Variants in LIPC observed in about 807,000 individuals in gnomAD.
LIPC encodes the protein hepatic triacylglycerol lipase.
In LIPC, 44 loss-of-function variants were observed where a neutral mutation model predicts 50.7. The observed-to-expected ratio is 0.87, with a 90% CI of 0.68 to 1.11. LIPC has a LOEUF of 1.11. LIPC is among the 50% of genes most tolerant of loss of function. The probability of loss-of-function intolerance (pLI) is 0.00; values close to 1 mark genes in which losing one functional copy is unlikely to be tolerated. For synonymous variants in LIPC, 271 were observed against 256.4 expected, an observed-to-expected ratio of 1.06 and a Z score of -0.54; for missense variants, 697 against 648.2, an observed-to-expected ratio of 1.08 and a Z score of -0.82.
chr15:58,470,407 G>T (rs1894751075), intron 1 of LIPC, among the ~76,000 whole-genome samples: 1 of 151,754 alleles, frequency 6.6e-6, no homozygotes, highest in African/African-American at 2.4e-5. Flanking sequence ...AGTTTTTGAA[G>T]TAAAAAGCAT....
rs1031968413 is a variant in LIPC at position 58,538,500 on chromosome 15, A to T, written c.256A>T (p.Ile86Leu). Residue 86 changes from isoleucine to leucine, a missense_variant, in exon 2 of 9, where the codon ATA (isoleucine) becomes TTA (leucine). Coordinates refer to ENST00000299022, the MANE Select transcript of LIPC (RefSeq NM_000236.3). Reference protein sequence around the residue: ...GFNSSLPLVMIIHGWSVDGVL... With the variant: ...GFNSSLPLVMLIHGWSVDGVL... ...CAACTCCTCCCTGCCTCTGGTGATGATAATCCACGGGTGGTCGGTAGGAAA... is the reference window on the plus strand; with the variant it reads ...CAACTCCTCCCTGCCTCTGGTGATGTTAATCCACGGGTGGTCGGTAGGAAA... The T allele has an allele frequency of 6.2e-7, 1 of 1,614,172 alleles. No individual in the cohort carries two copies. Among genetic ancestry groups the T allele is most frequent in the Admixed American group, 1.7e-5 (1 of 60,020 alleles).
intron 8 of LIPC, chr15:58,565,877 CTG>C (rs1343686996): frequency 2.0e-6 from 2 of 977,900 alleles, no homozygotes; most frequent in African/African-American, 3.7e-5. Flanking sequence ...AGTGCCTCCT[CTG>C]TGTCTACACA....
chr15:58,433,376 C>G (rs1328425809), intron 1 of LIPC, among the ~76,000 whole-genome samples: 1 of 152,244 alleles, frequency 6.6e-6, no homozygotes, highest in Non-Finnish European at 1.5e-5. Context: ...ACCAGTACCC[C>G]AAAGCCTTCC....
chr15:58,568,228 C>T (rs1015254349), intron 8 of LIPC, among the ~76,000 whole-genome samples: 1 of 152,262 alleles, frequency 6.6e-6, no homozygotes, highest in South Asian at 2.1e-4. Context: ...GCTTACAGGG[C>T]TGAGCCAGGC....
chr15:58,465,478 G>A (rs114790064), intron 1 of LIPC, among the ~76,000 whole-genome samples: 59 of 152,316 alleles, frequency 3.9e-4, no homozygotes, highest in African/African-American at 1.4e-3. Flanking sequence ...GGACATTACA[G>A]TGATCAATTA....
Position 58,545,904 on chromosome 15 carries a change from A to ACG in LIPC, c.738_739dup (p.Gly247AlafsTer12), listed in dbSNP as rs749932377. On this transcript the variant is annotated frameshift_variant, in exon 5 of 9. Coordinates refer to ENST00000299022, the MANE Select transcript of LIPC (RefSeq NM_000236.3). LOFTEE classifies it high-confidence loss of function. ...ATAGGACACTATGACTTCTATCCCA[A>ACG]CGGGGGCTCCTTCCAGCCTGGCTGC... 647 of 1,614,164 alleles carry ACG rather than the reference A, an allele frequency of 4.0e-4. No homozygotes were observed. Among genetic ancestry groups the ACG allele is most frequent in the Non-Finnish European group, 5.0e-4 (595 of 1,180,028 alleles).
chr15:58,512,201 C>A (rs553807583), intron 1 of LIPC, among the ~76,000 whole-genome samples: 2 of 151,746 alleles, frequency 1.3e-5, no homozygotes, highest in East Asian at 3.9e-4. Flanking sequence ...CAGGTTCAAG[C>A]GATTCTCCTG....
At chr15:58,531,347 G>A (rs1250731391) in intron 1 of LIPC, among the ~76,000 whole-genome samples, 1 of 152,146 alleles carries the variant, frequency 6.6e-6, no homozygotes, top group Non-Finnish European at 1.5e-5. Flanking sequence ...GACCTCGGAA[G>A]GACTTTAGGG....
chr15:58,488,436 G>C (rs766094018), intron 1 of LIPC, among the ~76,000 whole-genome samples: 1 of 152,214 alleles, frequency 6.6e-6, no homozygotes, highest in Non-Finnish European at 1.5e-5. Context: ...TAGGCACTAG[G>C]CACTGTGCTA....
intron 1 of LIPC, among the ~76,000 whole-genome samples, chr15:58,530,179 C>A (rs988305959): frequency 1.6e-4 from 25 of 152,222 alleles, no homozygotes; most frequent in African/African-American, 5.1e-4. Context: ...CCTTGTGTTT[C>A]TAACCCTCTT....
At chr15:58,517,170 A>G (rs1275842679) in intron 1 of LIPC, among the ~76,000 whole-genome samples, 1 of 152,250 alleles carries the variant, frequency 6.6e-6, no homozygotes, top group Non-Finnish European at 1.5e-5. Flanking sequence ...GTGTTTGAGT[A>G]GAACTGTTAA....
At chr15:58,534,833 T>C (rs1457175347) in intron 1 of LIPC, among the ~76,000 whole-genome samples, 7 of 152,228 alleles carry the variant, frequency 4.6e-5, no homozygotes, top group Admixed American at 3.3e-4. Flanking sequence ...TTTATTGTTT[T>C]ACTGCCCTTA....
intron 1 of LIPC, among the ~76,000 whole-genome samples, chr15:58,524,047 C>T (rs1397317320): frequency 1.3e-5 from 2 of 152,146 alleles, no homozygotes; most frequent in African/African-American, 2.4e-5. Context: ...CCCCATCCCA[C>T]GATGTCCATA....
At chr15:58,517,889 G>A (rs1366964776) in intron 1 of LIPC, among the ~76,000 whole-genome samples, 1 of 152,212 alleles carries the variant, frequency 6.6e-6, no homozygotes, top group Non-Finnish European at 1.5e-5. Context: ...AATCAGCCTT[G>A]CGGAGGTTAA....
intron 1 of LIPC, among the ~76,000 whole-genome samples, chr15:58,492,555 G>C (rs1377379243): frequency 1.3e-5 from 2 of 152,088 alleles, no homozygotes; most frequent in African/African-American, 4.8e-5. Flanking sequence ...ACCTGCCCAA[G>C]GCCACACAGT....
At position 58,557,402 on chromosome 15, in the gene LIPC, T is replaced by TTTG. The variant is rs796425195; in HGVS notation, c.1052-3462_1052-3461insTTG. 9.8e-4 allele frequency among the ~76,000 whole-genome samples: 139 copies of TTTG among 142,366 alleles called. 2 individuals carry two copies. The highest frequency in any genetic ancestry group is 3.5e-3 in the African/African-American group (130 of 37,054). The allele number at this position is 142,366 out of a possible 152,430, so 93.4% of individuals were successfully genotyped here. ...CTCTTTTTTTTTTTTTTTTTTTTTT[T>TTTG]GAGATGTAGTCTTGCTCTGTCACCC... On this transcript the variant is annotated intron_variant, in intron 6 of 8. Transcript: ENST00000299022.
chr15:58,544,115 G>A (rs78268218), intron 4 of LIPC, among the ~76,000 whole-genome samples: 2,064 of 152,264 alleles, frequency 0.014, 48 homozygotes, highest in African/African-American at 0.047. Context: ...AGACCGGCGT[G>A]TGGCCCCCAT....
chr15:58,532,696 G>A (rs1026627074), intron 1 of LIPC, among the ~76,000 whole-genome samples: 1 of 152,172 alleles, frequency 6.6e-6, no homozygotes, highest in Non-Finnish European at 1.5e-5. Flanking sequence ...GGCATCATGG[G>A]CGGGAGGCAG....
chr15:58,502,190 T>G lies in LIPC; in HGVS notation c.89-36143T>G, dbSNP rs529371691. 1.2e-4 allele frequency among the ~76,000 whole-genome samples: 19 copies of G among 152,296 alleles called. No homozygotes were observed. In the East Asian group the frequency reaches 3.5e-3, roughly 28 times the overall value. The stretch of plus-strand genomic sequence containing the variant: ...ACACCATGACATCTTCTCATTTTCT[T>G]TCCTTCTCTGCCGTTCCCCAGATGC... On this transcript the variant is annotated intron_variant, in intron 1 of 8. Transcript: ENST00000299022.
Sources: allele counts gnomAD v4.1 joint callset (sites outside exome capture counted in the v4.1 genomes callset), GRCh38; gene constraint gnomAD v4.1.1; transcripts MANE v1.5; gene names NCBI Gene and HGNC (gene_info 2026-07-23, HGNC 2026-07-21).